Variants in ABCA13 observed in about 807,000 individuals in gnomAD.
The protein encoded by ABCA13 is ATP binding cassette subfamily A member 13, also known as ATP-binding cassette sub-family A member 13.
A neutral mutation model predicts 478.7 loss-of-function variants in ABCA13; 476 were observed. The ratio of observed to expected loss-of-function variants is 0.99; its 90% confidence interval spans 0.92 to 1.07. ABCA13 has a LOEUF of 1.07. Among genes scored for constraint, ABCA13 ranks in the 50% least tolerant of loss-of-function variants. ABCA13 has a pLI of 0.00. For missense variants in ABCA13, 6,060 were observed against 5,910.6 expected, an observed-to-expected ratio of 1.03 and a Z score of -0.83; for synonymous variants, 2,252 against 2,158.9, an observed-to-expected ratio of 1.04 and a Z score of -1.20.
chr7:48,464,900 A>G (rs1273359547), intron 43 of ABCA13, among the ~76,000 whole-genome samples: 1 of 152,190 alleles, frequency 6.6e-6, no homozygotes, highest in Non-Finnish European at 1.5e-5. Context: ...CAAATGGAGC[A>G]GAGGAGGCAG....
intron 5 of ABCA13, among the ~76,000 whole-genome samples, chr7:48,225,162 TTCC>T (rs1186231973): frequency 1.4e-5 from 2 of 147,818 alleles, no homozygotes; most frequent in South Asian, 4.5e-4. Flanking sequence ...CCTTCCTTCC[TTCC>T]TTCCTTCCTT....
intron 55 of ABCA13, among the ~76,000 whole-genome samples, chr7:48,563,393 C>G (rs1786666503): frequency 6.6e-6 from 1 of 152,132 alleles, no homozygotes; most frequent in Non-Finnish European, 1.5e-5. Context: ...TATTGGGTAC[C>G]TAGTCGGAGT....
intron 58 of ABCA13, among the ~76,000 whole-genome samples, chr7:48,611,417 C>G (rs1183132238): frequency 6.6e-6 from 1 of 152,184 alleles, no homozygotes; most frequent in Non-Finnish European, 1.5e-5. Flanking sequence ...GCCCCTCTGT[C>G]TGTACCAATT....
At chr7:48,618,683 T>A (rs143058430) in intron 59 of ABCA13, among the ~76,000 whole-genome samples, 299 of 152,176 alleles carry the variant, frequency 2.0e-3, no homozygotes, top group African/African-American at 6.8e-3. Context: ...TCTGCTACTT[T>A]GAATAACTTT....
At chr7:48,613,952 G>C (rs1020800182) in intron 58 of ABCA13, among the ~76,000 whole-genome samples, 109 of 147,524 alleles carry the variant, frequency 7.4e-4, no homozygotes, top group African/African-American at 2.6e-3. Context: ...ACATTAAAAT[G>C]TTATTTATGG....
intron 61 of ABCA13, 125 bp downstream of exon 61, chr7:48,644,879 T>G (rs562780215): frequency 4.5e-5 from 48 of 1,068,968 alleles, no homozygotes; most frequent in Middle Eastern, 3.3e-4. Context: ...TTGTTAAATT[T>G]TATAAAATTA....
chr7:48,189,639 G>A lies in ABCA13; in HGVS notation c.70-3320G>A, dbSNP rs1278124739. ...ATATTTTCATTTGAAACTAGAGATC[G>A]GATGTGGATTTTTAAGACTGGACTG... On this transcript the variant is annotated intron_variant, in intron 1 of 61. Coordinates refer to ENST00000435803, the MANE Select transcript of ABCA13 (RefSeq NM_152701.5). Among the ~76,000 whole-genome samples, 6 of 152,138 alleles carry A rather than the reference G, an allele frequency of 3.9e-5. No individual in the cohort carries two copies. The South Asian group carries it at 8.3e-4, about 21-fold the overall frequency.
chr7:48,499,703 G>A (rs1444220283), intron 48 of ABCA13, among the ~76,000 whole-genome samples: 1 of 152,178 alleles, frequency 6.6e-6, no homozygotes, highest in East Asian at 1.9e-4. Flanking sequence ...TACTCAACAT[G>A]TACATTTTGA....
At chr7:48,643,663 A>T (rs1039082351) in intron 60 of ABCA13, among the ~76,000 whole-genome samples, 2 of 152,206 alleles carry the variant, frequency 1.3e-5, no homozygotes, top group African/African-American at 4.8e-5. Flanking sequence ...ATCTGTGGGC[A>T]CAGGTCCATT....
intron 36 of ABCA13, among the ~76,000 whole-genome samples, 189 bp from the exon 37 acceptor site, chr7:48,388,851 T>A (rs1228264294): frequency 6.6e-6 from 1 of 152,224 alleles, no homozygotes; most frequent in Non-Finnish European, 1.5e-5. Flanking sequence ...TTGTAATCAG[T>A]GATATCACTT....
chr7:48,332,182 T>C (rs1334639971), intron 27 of ABCA13, among the ~76,000 whole-genome samples: 1 of 152,230 alleles, frequency 6.6e-6, no homozygotes, highest in Non-Finnish European at 1.5e-5. Context: ...CTTTTGGCTA[T>C]TGTGTCTTCT....
chr7:48,290,812 G>A (rs995587008), intron 20 of ABCA13, among the ~76,000 whole-genome samples: 1 of 151,948 alleles, frequency 6.6e-6, no homozygotes. Context: ...TGTATCTATT[G>A]TTCTGACCTA....
chr7:48,582,852 C>T (rs1330917723), intron 56 of ABCA13, among the ~76,000 whole-genome samples: 1 of 152,210 alleles, frequency 6.6e-6, no homozygotes, highest in Non-Finnish European at 1.5e-5. Flanking sequence ...ATGATTTACA[C>T]TGCACAAAAC....
intron 43 of ABCA13, among the ~76,000 whole-genome samples, chr7:48,462,358 GTCTA>G (rs1826338831): frequency 6.6e-6 from 1 of 151,996 alleles, no homozygotes; most frequent in African/African-American, 2.4e-5. Context: ...ATTTGGAGCA[GTCTA>G]TCTGAGTCTC....
At chr7:48,549,005 A>G (rs1234541446) in intron 55 of ABCA13, among the ~76,000 whole-genome samples, 2 of 151,712 alleles carry the variant, frequency 1.3e-5, no homozygotes, top group Admixed American at 1.3e-4. Flanking sequence ...ACCTATAGCC[A>G]GACAACTCTA....
intron 19 of ABCA13, among the ~76,000 whole-genome samples, chr7:48,286,347 T>C (rs527885308): frequency 1.3e-5 from 2 of 152,272 alleles, no homozygotes; most frequent in South Asian, 4.1e-4. Context: ...CCCACCCCTC[T>C]AGCCCCTAGC....
At chr7:48,444,716 C>G (rs2129172418) in intron 42 of ABCA13, among the ~76,000 whole-genome samples, 1 of 152,248 alleles carries the variant, frequency 6.6e-6, no homozygotes, top group East Asian at 1.9e-4. Flanking sequence ...CTCAGATCAC[C>G]TCTCTTGGCT....
In ABCA13 at chr7:48,573,532, C is replaced by G. The variant is rs536286267; in HGVS notation, c.14355-6692C>G. Among the ~76,000 whole-genome samples, 3 of 151,918 alleles carry G rather than the reference C, an allele frequency of 2.0e-5. No individual in the cohort carries two copies. In the South Asian group the frequency reaches 6.2e-4, roughly 32 times the overall value. On this transcript the variant is annotated intron_variant, in intron 55 of 61. Transcript: ENST00000435803. ...GCAACATAGCGAGACTCCATCTCCA[C>G]AAAACAGAAACAAAACAAAACAAAA...
chr7:48,314,551 C>G, intron 26 of ABCA13, 142 bp downstream of exon 26: 1 of 775,088 alleles, frequency 1.3e-6, no homozygotes, highest in Non-Finnish European at 1.9e-6. Context: ...TCCCCAAATG[C>G]TGGCATGGCA....
Sources: gnomAD v4.1 joint callset for allele counts (sites outside exome capture counted in the v4.1 genomes callset) on GRCh38, gnomAD v4.1.1 for gene constraint, MANE v1.5 for transcripts, NCBI Gene and HGNC (gene_info 2026-07-23, HGNC 2026-07-21) for gene names.